The following NBAS variants were observed in gnomAD, a reference collection of about 807,000 sequenced individuals.
NBAS encodes the protein NBAS subunit of NRZ tethering complex, also known as NAG/BC035112 fusion.
A neutral mutation model predicts 302.5 loss-of-function variants in NBAS; 219 were observed. The observed-to-expected ratio is 0.72, with a 90% CI of 0.65 to 0.81. The LOEUF (loss-of-function observed/expected upper bound fraction) is 0.81, where lower values mean the gene tolerates loss of function less well. NBAS is among the 30% of genes least tolerant of loss of function. The pLI is 0.00. For synonymous variants in NBAS, 1,118 were observed against 1,021.6 expected (o/e 1.09, Z -1.80); for missense variants, 2,932 against 2,841.6 (o/e 1.03, Z -0.72).
At chr2:14,964,747 A>G in the NBAS span, among the ~76,000 whole-genome samples, 1 of 152,198 alleles carries the variant, frequency 6.6e-6, no homozygotes, top group Admixed American at 6.5e-5. Context: ...GCACATTTTA[A>G]GTACACAGGA....
At chr2:15,420,121 G>A (rs765809031) in intron 23 of NBAS, among the ~76,000 whole-genome samples, 2 of 152,126 alleles carry the variant, frequency 1.3e-5, no homozygotes, top group Non-Finnish European at 2.9e-5. Context: ...ACAGTAGCAC[G>A]CTGGGCAATA....
At chr2:15,341,968 C>T (rs1672873724) in intron 35 of NBAS, among the ~76,000 whole-genome samples, 2 of 152,094 alleles carry the variant, frequency 1.3e-5, no homozygotes. Context: ...CCACAGAGAA[C>T]ACTTATCAGG....
rs564627923 is a variant in NBAS at position 15,489,147 on chromosome 2, C to A, written c.955-125G>T. On this transcript the variant is annotated intron_variant, in intron 11 of 51. Coordinates refer to ENST00000281513, the MANE Select transcript of NBAS (RefSeq NM_015909.4). ...CTTTAGTAATTAAGAGTTCTGCCAG[C>A]TTCCTATCATTATAAATGTACTTCA... 2.4e-4 allele frequency: 255 copies of A among 1,078,712 alleles called. 2 individuals carry two copies. The highest frequency in any genetic ancestry group is 3.2e-4 in the Non-Finnish European group (232 of 731,972). 66.8% of individuals were successfully genotyped at this position (1,078,712 alleles called of 1,614,324 possible). A position where few individuals can be genotyped will look rare whatever the true frequency, so the allele number is the denominator to read the frequency against.
intron 51 of NBAS, among the ~76,000 whole-genome samples, chr2:15,173,236 C>G (rs1021174970): frequency 1.1e-4 from 17 of 152,146 alleles, no homozygotes; most frequent in African/African-American, 4.1e-4. Context: ...CTGCTGTCTT[C>G]CAAGCCATTA....
chr2:14,852,938 T>C, the NBAS span, among the ~76,000 whole-genome samples: 56 of 144,248 alleles, frequency 3.9e-4, no homozygotes, highest in Middle Eastern at 7.1e-3. Flanking sequence ...GGATTAAAGA[T>C]TTAAACGTTA....
chr2:15,135,000 T>C, the NBAS span, among the ~76,000 whole-genome samples: 2 of 152,196 alleles, frequency 1.3e-5, no homozygotes, highest in African/African-American at 4.8e-5. Flanking sequence ...TTAGGGGAGA[T>C]AAAATAGATT....
At chr2:15,504,115 G>A (rs759079929) in intron 11 of NBAS, 30 bp downstream of exon 11, 1 of 1,580,158 alleles carries the variant, frequency 6.3e-7, no homozygotes, top group East Asian at 2.2e-5. Flanking sequence ...TGTTTGAGAA[G>A]CCCACCATAG....
At chr2:14,975,946 T>A in the NBAS span, among the ~76,000 whole-genome samples, 1 of 152,180 alleles carries the variant, frequency 6.6e-6, no homozygotes, top group Admixed American at 6.5e-5. Context: ...CTGACAATGA[T>A]GGAATAACTG....
chr2:15,078,854 G>A, the NBAS span, among the ~76,000 whole-genome samples: 1,298 of 152,148 alleles, frequency 8.5e-3, 20 homozygotes, highest in African/African-American at 0.03. Context: ...TAACAAAATC[G>A]GGATCAAAGA....
At chr2:15,359,461 C>CT (rs1374350711) in intron 32 of NBAS, among the ~76,000 whole-genome samples, 1 of 152,008 alleles carries the variant, frequency 6.6e-6, no homozygotes, top group Admixed American at 6.6e-5. Flanking sequence ...CAGTACTAAT[C>CT]TTTTATTTAT....
the NBAS span, among the ~76,000 whole-genome samples, chr2:15,159,495 T>G: frequency 1.3e-5 from 2 of 152,012 alleles, no homozygotes; most frequent in Non-Finnish European, 2.9e-5. Context: ...CACTGCTAAG[T>G]GAAATAAGCC....
the NBAS span, among the ~76,000 whole-genome samples, chr2:14,826,852 G>C: frequency 6.6e-6 from 1 of 152,174 alleles, no homozygotes; most frequent in African/African-American, 2.4e-5. Flanking sequence ...TCCAGCCCCT[G>C]CCTCTGACTA....
At chr2:15,447,684 AT>A (rs967569294) in intron 21 of NBAS, among the ~76,000 whole-genome samples, 3 of 152,110 alleles carry the variant, frequency 2.0e-5, no homozygotes, top group Non-Finnish European at 4.4e-5. Context: ...TCACTAAGCA[AT>A]TTTTTTATTA....
chr2:15,493,139 G>C (rs1391207948), intron 11 of NBAS, among the ~76,000 whole-genome samples: 1 of 152,124 alleles, frequency 6.6e-6, no homozygotes, highest in Non-Finnish European at 1.5e-5. Flanking sequence ...CCTTCCTATT[G>C]CCATTAAGAC....
the NBAS span, among the ~76,000 whole-genome samples, chr2:14,854,587 C>T: frequency 1.3e-5 from 2 of 151,816 alleles, no homozygotes; most frequent in Non-Finnish European, 2.9e-5. Context: ...CCTCCCCTCA[C>T]CCCCAGCAAC....
At chr2:15,321,001 A>G (rs1404837529) in intron 38 of NBAS, among the ~76,000 whole-genome samples, 2 of 152,220 alleles carry the variant, frequency 1.3e-5, no homozygotes, top group Non-Finnish European at 1.5e-5. Context: ...ACTATACTAC[A>G]AGGCTATAGT....
the NBAS span, among the ~76,000 whole-genome samples, chr2:15,078,701 A>T: frequency 1.3e-5 from 2 of 152,198 alleles, no homozygotes; most frequent in African/African-American, 4.8e-5. Flanking sequence ...AAACACTTCC[A>T]CATAATGTGC....
chr2:15,056,764 G>T, the NBAS span, among the ~76,000 whole-genome samples: 1 of 151,756 alleles, frequency 6.6e-6, no homozygotes, highest in African/African-American at 2.4e-5. Flanking sequence ...TTCAAAGCAG[G>T]TTAGACATCA....
chr2:15,074,827 C>A, the NBAS span, among the ~76,000 whole-genome samples: 2 of 152,128 alleles, frequency 1.3e-5, no homozygotes, highest in African/African-American at 4.8e-5. Context: ...TCAAGCACCA[C>A]ATATGGATAG....
Sources: allele counts gnomAD v4.1 joint callset (sites outside exome capture counted in the v4.1 genomes callset), GRCh38; gene constraint gnomAD v4.1.1; transcripts MANE v1.5; gene names NCBI Gene and HGNC (gene_info 2026-07-23, HGNC 2026-07-21).